Variants in LIFR observed in about 807,000 individuals in gnomAD.
LIFR encodes the protein LIF receptor subunit alpha, also known as leukemia inhibitory factor receptor.
In LIFR, 84 loss-of-function variants were observed where a neutral mutation model predicts 122.2. The ratio of observed to expected loss-of-function variants is 0.69; its 90% CI spans 0.58 to 0.82. LIFR has a LOEUF of 0.82. Among genes scored for constraint, LIFR ranks in the 40% least tolerant of loss-of-function variants. LIFR has a pLI of 0.00. For synonymous variants in LIFR, 422 were observed against 434.7 expected, an observed-to-expected ratio of 0.97 and a Z score of 0.36; for missense variants, 1,294 against 1,311.6, an observed-to-expected ratio of 0.99 and a Z score of 0.21.
chr5:38,528,979 A>ATT, intron 2 of LIFR, 139 bp from the exon 3 acceptor site: 1 of 613,110 alleles, frequency 1.6e-6, no homozygotes, highest in Non-Finnish European at 2.9e-6. Flanking sequence ...CAGAGAGCCC[A>ATT]TGTTTTTTTT....
chr5:38,493,468 C>T (rs1003263242), intron 14 of LIFR, 138 bp downstream of exon 14: 2 of 770,338 alleles, frequency 2.6e-6, no homozygotes, highest in African/African-American at 3.4e-5. Flanking sequence ...TGTGCTGCCA[C>T]AACTACCCTC....
At position 38,510,732 on chromosome 5, in the gene LIFR, G is replaced by C. The variant is rs1285375077; in HGVS notation, c.737-14C>G. On this transcript the variant is annotated splice_polypyrimidine_tract_variant and intron_variant, in intron 6 of 19. Coordinates refer to ENST00000453190, the MANE Select transcript of LIFR (RefSeq NM_001127671.2). ...AATCAGGTATCCCTAGAAAGAAAAA[G>C]AGGAATTATAAACATTTTATATAGA... 1 of 1,600,392 alleles carries C rather than the reference G, an allele frequency of 6.2e-7. No homozygotes were observed. The highest frequency in any genetic ancestry group is 2.2e-5 in the East Asian group (1 of 44,790).
intron 10 of LIFR, among the ~76,000 whole-genome samples, chr5:38,503,196 T>C (rs530202580): frequency 6.6e-6 from 1 of 152,304 alleles, no homozygotes; most frequent in East Asian, 1.9e-4. Flanking sequence ...AATAAATGTA[T>C]TATTTGGATG....
chr5:38,492,847 G>A (rs993795231), intron 14 of LIFR, among the ~76,000 whole-genome samples: 1 of 152,100 alleles, frequency 6.6e-6, no homozygotes, highest in Admixed American at 6.6e-5. Context: ...ATGGGGACAG[G>A]CAGGATACAC....
Position 38,482,174 on chromosome 5 carries a change from T to C in LIFR, c.2715A>G (p.Pro905=), listed in dbSNP as rs751465597. The C allele has an allele frequency of 5.7e-6, 9 of 1,590,184 alleles. No homozygotes were observed. Among genetic ancestry groups the C allele is most frequent in the African/African-American group, 1.4e-5 (1 of 73,414 alleles). The change falls in exon 20 of 20, where the codon CCA becomes CCG. Residue 905 remains proline, a synonymous_variant. Transcript: ENST00000453190. ...GAGTTTCCAGAACCTCAACATTATT[T>C]GGGGTACAAGGATTCATTTCCAATG... The part of the protein sequence containing the change: ...LKTLEMNPCT[P]NNVEVLETRS...
chr5:38,522,055 C>T (rs768541830), intron 5 of LIFR, among the ~76,000 whole-genome samples: 2 of 152,214 alleles, frequency 1.3e-5, no homozygotes, highest in Non-Finnish European at 2.9e-5. Flanking sequence ...CTCAGGTGGA[C>T]AGCAGCAGTG....
chr5:38,517,164 C>T (rs1305548147), intron 5 of LIFR, among the ~76,000 whole-genome samples: 11 of 151,800 alleles, frequency 7.2e-5, no homozygotes, highest in Admixed American at 5.9e-4. Context: ...ATGTAACAAA[C>T]CTTCAGGTTT....
chr5:38,486,294 T>A (rs1744282971), intron 16 of LIFR, among the ~76,000 whole-genome samples: 1 of 152,170 alleles, frequency 6.6e-6, no homozygotes, highest in Admixed American at 6.5e-5. Flanking sequence ...AGGCAATCAA[T>A]AATAGTCCCA....
chr5:38,536,521 A>T (rs1172221015), intron 1 of LIFR, among the ~76,000 whole-genome samples: 1 of 152,236 alleles, frequency 6.6e-6, no homozygotes, highest in Non-Finnish European at 1.5e-5. Context: ...AGATTTTCAC[A>T]TCTGTGAAGG....
intron 1 of LIFR, among the ~76,000 whole-genome samples, chr5:38,577,949 G>C (rs1749440800): frequency 6.6e-6 from 1 of 152,158 alleles, no homozygotes; most frequent in East Asian, 1.9e-4. Context: ...GGAATTCCAA[G>C]GAGGACCCTC....
At chr5:38,537,185 C>T (rs1421400382) in intron 1 of LIFR, among the ~76,000 whole-genome samples, 2 of 152,164 alleles carry the variant, frequency 1.3e-5, no homozygotes, top group Admixed American at 6.5e-5. Context: ...TCCACTGTTT[C>T]AACACACAGT....
chr5:38,491,122 A>T (rs1001617621), intron 14 of LIFR, among the ~76,000 whole-genome samples: 3 of 152,238 alleles, frequency 2.0e-5, no homozygotes, highest in African/African-American at 7.2e-5. Context: ...TCTTTATAAC[A>T]TCACCATTAA....
chr5:38,563,177 T>G (rs1580197072), intron 1 of LIFR, among the ~76,000 whole-genome samples: 1 of 152,200 alleles, frequency 6.6e-6, no homozygotes, highest in African/African-American at 2.4e-5. Context: ...TGTTTCAGGC[T>G]ATTTTGTTCC....
rs768004410 is a variant in LIFR, at chr5:38,475,896, A to T, written c.*5699T>A. ...TCTAGGATGTCTATCTATCCAGGCC[A>T]ATCTTTTGCAAGCAATTCTGAATTT... On this transcript the variant is annotated 3_prime_UTR_variant, in exon 20 of 20. Transcript: ENST00000453190. The T allele has an allele frequency of 2.3e-4, 44 of 191,456 alleles. No homozygotes were observed. The highest frequency in any genetic ancestry group is 3.8e-4 in the Non-Finnish European group (35 of 91,246). The allele number at this position is 191,456 out of a possible 1,614,324, so 11.9% of individuals were successfully genotyped here.
chr5:38,602,258 C>T (rs1750236064), intron 2 of LIFR, among the ~76,000 whole-genome samples: 1 of 152,212 alleles, frequency 6.6e-6, no homozygotes, highest in Admixed American at 6.5e-5. Context: ...AATCTAGACA[C>T]AATTCTTGAC....
At chr5:38,606,073 C>T (rs909582779) in intron 2 of LIFR, 1 of 152,202 alleles carries the variant, frequency 6.6e-6, no homozygotes, top group Non-Finnish European at 1.5e-5. Flanking sequence ...TGAAATCACT[C>T]AATCAATGTT....
chr5:38,492,615 T>C (rs1744655612), intron 14 of LIFR, among the ~76,000 whole-genome samples: 1 of 152,084 alleles, frequency 6.6e-6, no homozygotes, highest in Non-Finnish European at 1.5e-5. Flanking sequence ...GTATTCCAAG[T>C]AGAACTGGAA....
chr5:38,552,964 C>A (rs1748283586), intron 1 of LIFR, among the ~76,000 whole-genome samples: 1 of 152,190 alleles, frequency 6.6e-6, no homozygotes, highest in Non-Finnish European at 1.5e-5. Context: ...TTGCTAGCCC[C>A]CTGGAGCTTC....
At chr5:38,493,190 G>T (rs1256908133) in intron 14 of LIFR, among the ~76,000 whole-genome samples, 2 of 151,968 alleles carry the variant, frequency 1.3e-5, no homozygotes, top group African/African-American at 4.8e-5. Context: ...GCCCTTGTGT[G>T]AGACCAGGCT....
Sources: gnomAD v4.1 joint callset for allele counts (sites outside exome capture counted in the v4.1 genomes callset) on GRCh38, gnomAD v4.1.1 for gene constraint, MANE v1.5 for transcripts, NCBI Gene and HGNC (gene_info 2026-07-23, HGNC 2026-07-21) for gene names.